EVC: variants seen among roughly 807,000 people sequenced by gnomAD.
EVC encodes EvC ciliary complex subunit 1, also known as evC complex member EVC.
EVC carries 116 observed loss-of-function variants against 118.9 expected under a neutral mutation model. The observed-to-expected ratio is 0.98, with a 90% CI of 0.84 to 1.14. The LOEUF (loss-of-function observed/expected upper bound fraction) is 1.14, where lower values mean the gene tolerates loss of function less well. Among genes scored for constraint, EVC ranks in the 50% most tolerant of loss-of-function variants. EVC has a pLI of 0.00. For missense variants in EVC, 1,401 were observed against 1,246.4 expected, an observed-to-expected ratio of 1.12 and a Z score of -1.87; for synonymous variants, 619 against 534.7, an observed-to-expected ratio of 1.16 and a Z score of -2.18.
At chr4:5,802,786 G>A (rs1715240485) in intron 16 of EVC, among the ~76,000 whole-genome samples, 1 of 152,326 alleles carries the variant, frequency 6.6e-6, no homozygotes, top group East Asian at 1.9e-4. Context: ...GGGAGCGGCT[G>A]TAAATACAGA....
chr4:5,741,545 T>C (rs1728574827), intron 5 of EVC, among the ~76,000 whole-genome samples, 171 bp from the exon 6 acceptor site: 1 of 152,172 alleles, frequency 6.6e-6, no homozygotes, highest in African/African-American at 2.4e-5. Flanking sequence ...TCATGATTTA[T>C]AATCGGAGTT....
At position 5,738,606 on chromosome 4, in the gene EVC, CTT is replaced by C. The variant is rs34739954; in HGVS notation, c.703-3096_703-3095del. 2.8e-5 allele frequency among the ~76,000 whole-genome samples: 4 copies of C among 144,178 alleles called. No homozygotes were observed. Among genetic ancestry groups the C allele is most frequent in the Admixed American group, 7.0e-5 (1 of 14,284 alleles). 94.6% of individuals were successfully genotyped at this position (144,178 alleles called of 152,430 possible). ...CCCTCCACCAGCTAAAAGATTACAACTTTTTTTTTTTTTTTAAGACGGAGATC... is the reference window on the plus strand; with the variant it reads ...CCCTCCACCAGCTAAAAGATTACAACTTTTTTTTTTTTTAAGACGGAGATC... On this transcript the variant is annotated intron_variant, in intron 5 of 20. Coordinates refer to ENST00000264956, the MANE Select transcript of EVC (RefSeq NM_153717.3). The surrounding 1 kb of genome is among the most constrained non-coding windows in gnomAD (Gnocchi z 6.5).
At chr4:5,779,153 A>T (rs1368660694) in intron 11 of EVC, among the ~76,000 whole-genome samples, 2 of 150,772 alleles carry the variant, frequency 1.3e-5, no homozygotes, top group African/African-American at 4.9e-5. Flanking sequence ...ATAGTTGTAG[A>T]TATGCGGCAT....
At position 5,754,695 on chromosome 4, in the gene EVC, ACT is replaced by A. The variant is rs1343985079; in HGVS notation, c.1464+765_1464+766del. 3.3e-5 allele frequency among the ~76,000 whole-genome samples: 5 copies of A among 151,802 alleles called. No homozygotes were observed. Among genetic ancestry groups the A allele is most frequent in the African/African-American group, 1.2e-4 (5 of 41,304 alleles). On this transcript the variant is annotated intron_variant, in intron 10 of 20. Transcript: ENST00000264956. The surrounding 1 kb of genome is among the most constrained non-coding windows in gnomAD (Gnocchi z 5.8). The stretch of plus-strand genomic sequence containing the variant: ...CAGCCACACTTGGGTTTGGGTGCTG[ACT>A]CTGCCACTAAATAGCTGGGTGACCT...
rs192435264 is a variant in EVC, at chr4:5,801,891, C to T, written c.2305-59C>T. 3.2e-4 allele frequency: 502 copies of T among 1,586,156 alleles called. 1 individual carries two copies. In the African/African-American group the frequency reaches 5.8e-3, roughly 18 times the overall value. On this transcript the variant is annotated intron_variant, in intron 15 of 20. Transcript: ENST00000264956. ...ATGGGGAGGCAGGGACTGGATGGGC[C>T]GTGGGTGGCTCCCACGTGTGACTTC... is the stretch of plus-strand genomic sequence containing the variant.
intron 2 of EVC, among the ~76,000 whole-genome samples, chr4:5,723,191 C>CTTT (rs542977317): frequency 2.5e-4 from 35 of 140,756 alleles, no homozygotes; most frequent in African/African-American, 7.4e-4. Context: ...TCCTTTCCTT[C>CTTT]TTTTTTTTTT....
At chr4:5,820,885 GAA>G in the EVC span, 1 of 151,960 alleles carries the variant, frequency 6.6e-6, no homozygotes, top group Non-Finnish European at 1.5e-5. Context: ...GATTACAAAG[GAA>G]AACTTTGTAC....
chr4:5,711,481 T>C lies in EVC; in HGVS notation c.101T>C (p.Leu34Pro). The change falls in exon 1 of 21, where the codon CTG becomes CCG. Residue 34 changes from leucine (L) to proline (P), a missense_variant. Transcript: ENST00000264956. ...APALLAPAVLLGAALGLGLGL... is the reference protein window; with the variant it reads ...APALLAPAVLPGAALGLGLGL... ...GCCCTGCTGGCCCCCGCCGTGCTGC[T>C]GGGCGCCGCGCTCGGCCTCGGCCTC... The C allele has an allele frequency of 4.6e-6, 5 of 1,098,848 alleles. No homozygotes were observed. Among genetic ancestry groups the C allele is most frequent in the Non-Finnish European group, 5.5e-6 (5 of 905,250 alleles). The allele number at this position is 1,098,848 out of a possible 1,614,324, so 68.1% of individuals were successfully genotyped here.
chr4:5,811,063 C>A lies in EVC; in HGVS notation c.*26C>A, dbSNP rs748095643. 1.0e-5 allele frequency: 16 copies of A among 1,580,380 alleles called. No homozygotes were observed. In the East Asian group the frequency reaches 3.4e-4, roughly 34 times the overall value. ...TTTAAGACCAGTCGGTGGGACAAGA[C>A]CTGAAGCCCTGGGTCTGGGTGTGAA... On this transcript the variant is annotated 3_prime_UTR_variant, in exon 21 of 21. Transcript: ENST00000264956.
rs980925148 is a variant in EVC, at chr4:5,755,337, C to G, written c.1465-927C>G. ...CTCGGAACGCCTCAGCGCTGGCGTTCAGGACACGTGGGACGCAGGCAGGGA... is the reference window on the plus strand; with the variant it reads ...CTCGGAACGCCTCAGCGCTGGCGTTGAGGACACGTGGGACGCAGGCAGGGA... On this transcript the variant is annotated intron_variant, in intron 10 of 20. Transcript: ENST00000264956. This position sits in a 1 kb window ranked among gnomAD's most constrained non-coding sequence, Gnocchi z 4.1. Among the ~76,000 whole-genome samples the G allele has an allele frequency of 6.6e-6, 1 of 152,116 alleles. No homozygotes were observed.
Position 5,808,243 on chromosome 4 carries a change from GC to G in EVC, c.2605del (p.His869ThrfsTer59). 1 of 1,608,326 alleles carries G rather than the reference GC, an allele frequency of 6.2e-7. No individual in the cohort carries two copies. The highest frequency in any genetic ancestry group is 8.5e-7 in the Non-Finnish European group (1 of 1,177,282). On this transcript the variant is annotated frameshift_variant, in exon 18 of 21. Transcript: ENST00000264956. LOFTEE classifies it high-confidence loss of function. ...AGAGGTTCCTGGCCCAGTTCCCAGT[GC>G]ACCAGCAGATGCGTCTGCACGCCCA... ...QKRFLAQFPV[H>X]QQMRLHAQQQ...
chr4:5,793,398 A>G (rs2152325726), intron 12 of EVC: 1 of 593,076 alleles, frequency 1.7e-6, no homozygotes, highest in Admixed American at 2.9e-5. Flanking sequence ...AATATTTAAA[A>G]TTTTCGTATT....
chr4:5,759,812 C>T (rs531715119), intron 11 of EVC, among the ~76,000 whole-genome samples: 3 of 152,302 alleles, frequency 2.0e-5, no homozygotes, highest in East Asian at 3.9e-4. Flanking sequence ...TGAGGCTGCG[C>T]GAGCCTGGGA....
chr4:5,745,974 G>A (rs73200156), intron 7 of EVC, among the ~76,000 whole-genome samples: 16,009 of 152,196 alleles, frequency 0.11, 1,213 homozygotes, highest in African/African-American at 0.21. Flanking sequence ...ACAGTGGAGG[G>A]AAGAGTTCAT....
intron 2 of EVC, among the ~76,000 whole-genome samples, chr4:5,722,496 C>A (rs570601176): frequency 1.3e-5 from 2 of 152,196 alleles, no homozygotes; most frequent in Non-Finnish European, 2.9e-5. Flanking sequence ...CTATAACTTT[C>A]TTGTCCTCTA....
At chr4:5,753,156 C>T in intron 9 of EVC, 104 bp downstream of exon 9, 1 of 1,123,512 alleles carries the variant, frequency 8.9e-7, no homozygotes, top group South Asian at 1.3e-5. Context: ...GCCCATGATG[C>T]CGGGCACAGG....
intron 2 of EVC, among the ~76,000 whole-genome samples, chr4:5,726,779 A>T (rs1259543329): frequency 7.8e-6 from 1 of 127,886 alleles, no homozygotes; most frequent in African/African-American, 3.0e-5. Context: ...TGTCCATGTG[A>T]TCTCATTGTT....
At chr4:5,769,163 G>A (rs1437824136) in intron 11 of EVC, among the ~76,000 whole-genome samples, 1 of 53,912 alleles carries the variant, frequency 1.9e-5, no homozygotes, top group Non-Finnish European at 4.0e-5. Context: ...CGTGGCTGGG[G>A]AGGCCTCACA....
At chr4:5,733,099 T>C (rs1002709808) in intron 4 of EVC, among the ~76,000 whole-genome samples, 1 of 152,098 alleles carries the variant, frequency 6.6e-6, no homozygotes, top group Non-Finnish European at 1.5e-5. Flanking sequence ...TCTCCATTGG[T>C]TTTCTCTTGG....
Sources: allele counts gnomAD v4.1 joint callset (sites outside exome capture counted in the v4.1 genomes callset), GRCh38; gene constraint gnomAD v4.1.1; non-coding constraint Gnocchi (gnomAD v3.1); transcripts MANE v1.5; gene names NCBI Gene and HGNC (gene_info 2026-07-23, HGNC 2026-07-21).